KCND2: variants seen among roughly 807,000 people sequenced by gnomAD.
KCND2 encodes the protein potassium voltage-gated channel subfamily D member 2, also known as A-type voltage-gated potassium channel KCND2.
A neutral mutation model predicts 54.4 loss-of-function variants in KCND2; 16 were observed. The ratio of observed to expected loss-of-function variants is 0.29; its 90% CI spans 0.20 to 0.45. The LOEUF (loss-of-function observed/expected upper bound fraction) is 0.45, where lower values mean the gene tolerates loss of function less well. Among genes scored for constraint, KCND2 ranks in the 20% least tolerant of loss-of-function variants. The pLI, the probability that KCND2 is intolerant of heterozygous loss-of-function variation, is 1.00. For missense variants in KCND2, 486 were observed against 824.2 expected (o/e 0.59, Z 5.02); for synonymous variants, 317 against 310.7 (o/e 1.02, Z -0.21).
chr7:120,544,887 G>A (rs1017136284), intron 1 of KCND2, among the ~76,000 whole-genome samples: 2 of 151,828 alleles, frequency 1.3e-5, no homozygotes. Context: ...CTGAGTCTAA[G>A]ACTGCTGAGA....
chr7:120,344,219 A>G (rs999848733), intron 1 of KCND2, among the ~76,000 whole-genome samples: 2 of 152,170 alleles, frequency 1.3e-5, no homozygotes, highest in Non-Finnish European at 2.9e-5. Flanking sequence ...TAAAAATAAT[A>G]ATATGACACA....
intron 1 of KCND2, among the ~76,000 whole-genome samples, chr7:120,535,900 T>G (rs1335035214): frequency 6.6e-6 from 1 of 152,114 alleles, no homozygotes; most frequent in Non-Finnish European, 1.5e-5. Context: ...TGTGTGTGTA[T>G]GTGTGTTGTG....
At chr7:120,394,573 T>C (rs1801125771) in intron 1 of KCND2, among the ~76,000 whole-genome samples, 1 of 151,982 alleles carries the variant, frequency 6.6e-6, no homozygotes, top group South Asian at 2.1e-4. Context: ...CTTGTGGCCT[T>C]TCATTAGTTT....
intron 1 of KCND2, among the ~76,000 whole-genome samples, chr7:120,523,526 ACAACT>A (rs1384294970): frequency 6.7e-6 from 1 of 150,182 alleles, no homozygotes; most frequent in East Asian, 1.9e-4. Flanking sequence ...ACATTTTGAA[ACAACT>A]CAGTGAGAAG....
intron 1 of KCND2, among the ~76,000 whole-genome samples, chr7:120,490,261 C>T (rs1205360990): frequency 6.6e-6 from 1 of 152,112 alleles, no homozygotes; most frequent in Non-Finnish European, 1.5e-5. Flanking sequence ...TGAATCTAGG[C>T]AACAAACCCA....
At chr7:120,689,670 A>G (rs962162735) in intron 1 of KCND2, among the ~76,000 whole-genome samples, 2 of 152,226 alleles carry the variant, frequency 1.3e-5, no homozygotes, top group African/African-American at 4.8e-5. Context: ...AACTACTTAG[A>G]TAGCATGCTT....
At chr7:120,318,863 G>C (rs1025461802) in intron 1 of KCND2, among the ~76,000 whole-genome samples, 1 of 152,036 alleles carries the variant, frequency 6.6e-6, no homozygotes, top group African/African-American at 2.4e-5. Context: ...GAAACAAATA[G>C]AACATCATTC....
chr7:120,397,907 G>A (rs1377264087), intron 1 of KCND2, among the ~76,000 whole-genome samples: 1 of 148,638 alleles, frequency 6.7e-6, no homozygotes, highest in East Asian at 2.0e-4. Context: ...ATTGATTGCT[G>A]TTTCCAAGGA....
chr7:120,638,396 T>A (rs1172041292), intron 1 of KCND2, among the ~76,000 whole-genome samples: 1 of 152,082 alleles, frequency 6.6e-6, no homozygotes, highest in Admixed American at 6.6e-5. Context: ...CAAATGCACT[T>A]CTAAGGATGT....
intron 1 of KCND2, among the ~76,000 whole-genome samples, chr7:120,648,833 C>G (rs1791672324): frequency 6.6e-6 from 1 of 152,206 alleles, no homozygotes; most frequent in Non-Finnish European, 1.5e-5. Context: ...AATGGCTACT[C>G]TACTTCTTAT....
At chr7:120,613,071 G>C (rs1396734863) in intron 1 of KCND2, among the ~76,000 whole-genome samples, 3 of 135,378 alleles carry the variant, frequency 2.2e-5, no homozygotes, top group Admixed American at 8.2e-5. Flanking sequence ...TAGCAAACTG[G>C]ATGTTTAGCC....
intron 1 of KCND2, among the ~76,000 whole-genome samples, chr7:120,398,413 C>A (rs1801192252): frequency 6.6e-6 from 1 of 151,942 alleles, no homozygotes; most frequent in Non-Finnish European, 1.5e-5. Flanking sequence ...GATACAAAGA[C>A]CAGTAGGCCA....
At chr7:120,697,661 C>A (rs531460087) in intron 1 of KCND2, among the ~76,000 whole-genome samples, 176 of 152,114 alleles carry the variant, frequency 1.2e-3, no homozygotes, top group Middle Eastern at 6.8e-3. Flanking sequence ...GGACCAACTG[C>A]AAGAGAATAA....
chr7:120,634,355 G>C (rs1290703343), intron 1 of KCND2, among the ~76,000 whole-genome samples: 1 of 151,982 alleles, frequency 6.6e-6, no homozygotes, highest in Non-Finnish European at 1.5e-5. Flanking sequence ...CACAATACTA[G>C]GGAGGCTTAC....
intron 1 of KCND2, among the ~76,000 whole-genome samples, chr7:120,528,760 A>G (rs919838689): frequency 6.6e-6 from 1 of 152,168 alleles, no homozygotes; most frequent in East Asian, 1.9e-4. Flanking sequence ...CTTTCCTAGT[A>G]ATGCATAATG....
chr7:120,449,328 CAAA>C (rs58305865), intron 1 of KCND2, among the ~76,000 whole-genome samples: 4 of 125,406 alleles, frequency 3.2e-5, no homozygotes, highest in African/African-American at 5.7e-5. Flanking sequence ...GACTCCGTCT[CAAA>C]AAAAAAAAAA....
intron 1 of KCND2, among the ~76,000 whole-genome samples, chr7:120,715,955 A>G (rs1448623895): frequency 1.3e-5 from 2 of 152,174 alleles, no homozygotes; most frequent in East Asian, 3.9e-4. Flanking sequence ...AATGACAATT[A>G]CTTCTTTTTT....
At chr7:120,711,829 GTCCATATT>G in intron 1 of KCND2, among the ~76,000 whole-genome samples, 1 of 152,238 alleles carries the variant, frequency 6.6e-6, no homozygotes, top group South Asian at 2.1e-4. Context: ...GTTCACCAAA[GTCCATATT>G]TATAGTTAGA....
intron 1 of KCND2, among the ~76,000 whole-genome samples, chr7:120,310,366 C>T (rs34850246): frequency 0.13 from 19,102 of 152,006 alleles, 1,267 homozygotes; most frequent in African/African-American, 0.16. Flanking sequence ...CAGAATCTAA[C>T]GACAATGAAG....
Sources: gnomAD v4.1 joint callset for allele counts (sites outside exome capture counted in the v4.1 genomes callset) on GRCh38, gnomAD v4.1.1 for gene constraint, MANE v1.5 for transcripts, NCBI Gene and HGNC (gene_info 2026-07-23, HGNC 2026-07-21) for gene names.